KBTBD3: variants seen among roughly 807,000 people sequenced by gnomAD.
KBTBD3 encodes kelch repeat and BTB domain containing 3.
Under a neutral mutation model 49.6 loss-of-function variants are expected in KBTBD3, and 38 were observed. The observed-to-expected ratio is 0.77, with a 90% CI of 0.59 to 1.00. KBTBD3 has a LOEUF of 1.00. Among genes scored for constraint, KBTBD3 ranks in the 50% least tolerant of loss-of-function variants. The pLI is 0.00. For synonymous variants in KBTBD3, 214 were observed against 250.4 expected, an observed-to-expected ratio of 0.85 and a Z score of 1.37; for missense variants, 661 against 712.0, an observed-to-expected ratio of 0.93 and a Z score of 0.81.
Position 106,059,089 on chromosome 11 carries a change from C to G in KBTBD3, c.9G>C (p.Leu3Phe). The G allele has an allele frequency of 1.3e-6, 2 of 1,541,702 alleles. No individual in the cohort carries two copies. Among genetic ancestry groups the G allele is most frequent in the Non-Finnish European group, 8.7e-7 (1 of 1,151,566 alleles). ...TGAAAGCATATGAATTATCCATAGCCAATTCCATATGTCCTTAGAACTAGA... is the reference window on the plus strand; with the variant it reads ...TGAAAGCATATGAATTATCCATAGCGAATTCCATATGTCCTTAGAACTAGA... ME[L>F]AMDNSYAFNQ... The change falls in exon 3 of 4, where the codon TTG (leucine) becomes TTC (phenylalanine). Residue 3 changes from leucine (L) to phenylalanine (F), a missense_variant. Coordinates refer to ENST00000531837, the MANE Select transcript of KBTBD3 (RefSeq NM_198439.3).
chr11:106,072,116 A>T (rs926942602), intron 2 of KBTBD3, among the ~76,000 whole-genome samples: 1 of 152,172 alleles, frequency 6.6e-6, no homozygotes, highest in Non-Finnish European at 1.5e-5. Flanking sequence ...ATGTGTATTA[A>T]ATTTGAAGAA....
chr11:106,057,697 GA>G (rs1201966973), intron 3 of KBTBD3: 1 of 196,262 alleles, frequency 5.1e-6, no homozygotes, highest in Non-Finnish European at 1.0e-5. Context: ...AGGTTGCTTA[GA>G]ATTAGAACAA....
intron 3 of KBTBD3, chr11:106,057,916 GTCT>G (rs888068272): frequency 7.6e-6 from 3 of 393,396 alleles, no homozygotes; most frequent in African/African-American, 2.1e-5. Context: ...TCAACCTGTC[GTCT>G]TCTTTTTCTA....
At chr11:106,075,086 C>T (rs61398602) in intron 2 of KBTBD3, among the ~76,000 whole-genome samples, 10,718 of 152,160 alleles carry the variant, frequency 0.07, 451 homozygotes, top group Middle Eastern at 0.15. Context: ...CAATGTCACA[C>T]AGACAATTGG....
In KBTBD3 at chr11:106,052,144, T is replaced by TACTA. The variant is rs1860429918; in HGVS notation, c.*702_*705dup. The stretch of plus-strand genomic sequence containing the variant: ...ACTAATTAAATCCAGAATGTTAATT[T>TACTA]ACTAAGATTGAACCAGAAAATGAGA... On this transcript the variant is annotated 3_prime_UTR_variant, in exon 4 of 4. Coordinates refer to ENST00000531837, the MANE Select transcript of KBTBD3 (RefSeq NM_198439.3). 6.6e-6 allele frequency: 1 copy of TACTA among 151,624 alleles called. No homozygotes were observed. The allele number at this position is 151,624 out of a possible 1,614,324, so 9.4% of individuals were successfully genotyped here. A position where few individuals can be genotyped will look rare whatever the true frequency, so the allele number is the denominator to read the frequency against.
At position 106,051,861 on chromosome 11, in the gene KBTBD3, G is replaced by A. The variant is rs1159714988; in HGVS notation, c.*989C>T. On this transcript the variant is annotated 3_prime_UTR_variant, in exon 4 of 4. Transcript: ENST00000531837. The stretch of plus-strand genomic sequence containing the variant: ...AAACCAACATAGTGCTTTATAGTTG[G>A]TATACATCATCACAGAAAATTGATA... 1 of 151,658 alleles carries A rather than the reference G, an allele frequency of 6.6e-6. No homozygotes were observed. The highest frequency in any genetic ancestry group is 1.5e-5 in the Non-Finnish European group (1 of 67,786). 9.4% of individuals were successfully genotyped at this position (151,658 alleles called of 1,614,324 possible).
intron 2 of KBTBD3, among the ~76,000 whole-genome samples, chr11:106,073,777 T>G (rs1264521974): frequency 1.3e-5 from 2 of 152,154 alleles, no homozygotes; most frequent in African/African-American, 4.8e-5. Context: ...GGTTAGGAGA[T>G]AGGGCTGCAG....
Position 106,058,996 on chromosome 11 carries a change from A to C in KBTBD3, c.102T>G (p.His34Gln), listed in dbSNP as rs753809738. 6.4e-7 allele frequency: 1 copy of C among 1,559,702 alleles called. No homozygotes were observed. The highest frequency in any genetic ancestry group is 2.3e-5 in the East Asian group (1 of 42,854). Residue 34 changes from histidine to glutamine, a missense_variant, in exon 3 of 4, where the codon CAT becomes CAG. By Grantham distance (24) the His-to-Gln change is conservative. Coordinates refer to ENST00000531837, the MANE Select transcript of KBTBD3 (RefSeq NM_198439.3). ...KKNNFLVSED[H>Q]GQKILSVLQN... ...GTAGTACACTTAAGATTTTTTGTCCATGATCTTCTGATACAAGGAAGTTGT... is the reference window on the plus strand; with the variant it reads ...GTAGTACACTTAAGATTTTTTGTCCCTGATCTTCTGATACAAGGAAGTTGT...
chr11:106,073,710 C>A (rs969686199), intron 2 of KBTBD3, among the ~76,000 whole-genome samples: 2 of 152,070 alleles, frequency 1.3e-5, no homozygotes, highest in African/African-American at 4.8e-5. Flanking sequence ...AGGAGTCCTT[C>A]AGTTTTAGGA....
intron 2 of KBTBD3, among the ~76,000 whole-genome samples, chr11:106,074,113 C>CG (rs1159486113): frequency 2.8e-5 from 2 of 72,316 alleles, no homozygotes; most frequent in Non-Finnish European, 4.4e-5. Flanking sequence ...ATGCCGAACA[C>CG]CCCCCCCCAC....
chr11:106,054,460 A>C lies in KBTBD3; in HGVS notation c.234-5T>G, dbSNP rs776164674. On this transcript the variant is annotated splice_region_variant and splice_polypyrimidine_tract_variant and intron_variant, in intron 3 of 3. Transcript: ENST00000531837. ...ATGTTTACTTCAAACATAGCCCTGC[A>C]AAAATAAAGAACACAGAAAAACAGC... 22 of 1,498,096 alleles carry C rather than the reference A, an allele frequency of 1.5e-5. No individual in the cohort carries two copies. The highest frequency in any genetic ancestry group is 2.0e-5 in the Non-Finnish European group (22 of 1,122,638). The allele number at this position is 1,498,096 out of a possible 1,614,324, so 92.8% of individuals were successfully genotyped here.
At chr11:106,066,870 T>C (rs1860819515) in intron 2 of KBTBD3, among the ~76,000 whole-genome samples, 1 of 150,526 alleles carries the variant, frequency 6.6e-6, no homozygotes, top group Non-Finnish European at 1.5e-5. Context: ...TATATAAATA[T>C]AAATAAACAT....
At chr11:106,069,588 A>G (rs1860879609) in intron 2 of KBTBD3, among the ~76,000 whole-genome samples, 1 of 151,798 alleles carries the variant, frequency 6.6e-6, no homozygotes, top group Non-Finnish European at 1.5e-5. Flanking sequence ...GAAAAATATA[A>G]AATGCTAAAA....
chr11:106,054,046 C>A lies in KBTBD3; in HGVS notation c.643G>T (p.Val215Leu), dbSNP rs749358315. The change falls in exon 4 of 4, where the codon GTA (valine) becomes TTA (leucine). Residue 215 changes from valine to leucine, a missense_variant. Val to Leu is a conservative substitution (Grantham distance 32, BLOSUM62 1). Transcript: ENST00000531837. The part of the protein sequence containing the change: ...DELNVPEEEM[V>L]LKVVLSWTKH... ...GTCCAACTAAGGACAACTTTCAGTA[C>A]CATTTCTTCTTCAGGAACATTTAAT... is the stretch of plus-strand genomic sequence containing the variant. 6.2e-7 allele frequency: 1 copy of A among 1,613,562 alleles called. No homozygotes were observed. The highest frequency in any genetic ancestry group is 8.5e-7 in the Non-Finnish European group (1 of 1,179,742).
At chr11:106,073,506 AT>A (rs1489295216) in intron 2 of KBTBD3, among the ~76,000 whole-genome samples, 2 of 152,138 alleles carry the variant, frequency 1.3e-5, no homozygotes, top group Non-Finnish European at 2.9e-5. Flanking sequence ...GGCTTTGATA[AT>A]TTAAGTAATT....
rs1486997633 is a variant in KBTBD3 at position 106,052,145 on chromosome 11, A to G, written c.*705T>C. 6.6e-6 allele frequency: 1 copy of G among 151,798 alleles called. No homozygotes were observed. The highest frequency in any genetic ancestry group is 6.6e-5 in the Admixed American group (1 of 15,200). 9.4% of individuals were successfully genotyped at this position (151,798 alleles called of 1,614,324 possible). ...CTAATTAAATCCAGAATGTTAATTTACTAAGATTGAACCAGAAAATGAGAG... is the reference window on the plus strand; with the variant it reads ...CTAATTAAATCCAGAATGTTAATTTGCTAAGATTGAACCAGAAAATGAGAG... On this transcript the variant is annotated 3_prime_UTR_variant, in exon 4 of 4. Transcript: ENST00000531837.
At chr11:106,070,599 T>C (rs1860898853) in intron 2 of KBTBD3, among the ~76,000 whole-genome samples, 1 of 152,058 alleles carries the variant, frequency 6.6e-6, no homozygotes, top group African/African-American at 2.4e-5. Flanking sequence ...CAACACCAAA[T>C]GCTTGAGGGC....
At chr11:106,057,049 T>C (rs1860567426) in intron 3 of KBTBD3, among the ~76,000 whole-genome samples, 5 of 152,190 alleles carry the variant, frequency 3.3e-5, no homozygotes, top group African/African-American at 1.2e-4. Context: ...AACAGCTAGT[T>C]CAAGACCGTT....
rs1047636 is a variant in KBTBD3, at chr11:106,076,558, C to T, written c.-64G>A. On this transcript the variant is annotated 5_prime_UTR_variant, in exon 2 of 4. Transcript: ENST00000531837. ...GCAGTCAGAGGAAGAAGGAAATCGGCTGAATCCCGCAGTACCGCACTTTAA... is the reference window on the plus strand; with the variant it reads ...GCAGTCAGAGGAAGAAGGAAATCGGTTGAATCCCGCAGTACCGCACTTTAA... The T allele has an allele frequency of 0.16, 24,880 of 152,088 alleles. 2,206 individuals are homozygous for T. Among genetic ancestry groups the T allele is most frequent in the Middle Eastern group, 0.27 (79 of 294 alleles). 9.4% of individuals were successfully genotyped at this position (152,088 alleles called of 1,614,324 possible). A position where few individuals can be genotyped will look rare whatever the true frequency, so the allele number is the denominator to read the frequency against.
Sources: allele counts gnomAD v4.1 joint callset (sites outside exome capture counted in the v4.1 genomes callset), GRCh38; gene constraint gnomAD v4.1.1; transcripts MANE v1.5; gene names NCBI Gene and HGNC (gene_info 2026-07-23, HGNC 2026-07-21).